ZEB1: variants seen among roughly 807,000 people sequenced by gnomAD.
The protein encoded by ZEB1 is zinc finger E-box-binding homeobox 1.
In ZEB1, 21 loss-of-function variants were observed where a neutral mutation model predicts 84.9. That is an observed-to-expected ratio of 0.25 (90% CI 0.18 to 0.36). The LOEUF (loss-of-function observed/expected upper bound fraction) is 0.36. Among genes scored for constraint, ZEB1 ranks in the 10% least tolerant of loss-of-function variants. The probability of loss-of-function intolerance (pLI) is 1.00; values close to 1 mark genes in which losing one functional copy is unlikely to be tolerated. For synonymous variants in ZEB1, 420 were observed against 471.1 expected (o/e 0.89, Z 1.41); for missense variants, 1,104 against 1,330.2 (o/e 0.83, Z 2.65).
chr10:31,514,558 A>G (rs200523132), intron 5 of ZEB1, 45 bp from the exon 6 acceptor site: 2 of 1,548,430 alleles, frequency 1.3e-6, no homozygotes, highest in Non-Finnish European at 1.8e-6. Context: ...CTTTAGTCTA[A>G]AGATCTTTTG....
At chr10:31,323,772 T>C (rs536425166) in intron 1 of ZEB1, among the ~76,000 whole-genome samples, 1 of 152,092 alleles carries the variant, frequency 6.6e-6, no homozygotes, top group Admixed American at 6.5e-5. Context: ...AATATAACTG[T>C]AAATTTTAAG....
At chr10:31,504,379 C>G (rs117149907) in intron 4 of ZEB1, among the ~76,000 whole-genome samples, 1 of 151,946 alleles carries the variant, frequency 6.6e-6, no homozygotes, top group Non-Finnish European at 1.5e-5. Flanking sequence ...ATTTTGAAGT[C>G]AGGTAGTGCG....
Position 31,528,754 on chromosome 10 carries a change from A to G in ZEB1, c.*1490A>G, listed in dbSNP as rs1834613005. 1 of 152,244 alleles carries G rather than the reference A, an allele frequency of 6.6e-6. No homozygotes were observed. The highest frequency in any genetic ancestry group is 6.5e-5 in the Admixed American group (1 of 15,286). The allele number at this position is 152,244 out of a possible 1,614,324, so 9.4% of individuals were successfully genotyped here. ...AATTTGGAAAGTTGATAAGATTTAA[A>G]GTAGAGATGCAATTGGTTCTCCTGC... is the stretch of plus-strand genomic sequence containing the variant. On this transcript the variant is annotated 3_prime_UTR_variant, in exon 9 of 9. Coordinates refer to ENST00000424869, the MANE Select transcript of ZEB1 (RefSeq NM_001174096.2).
At chr10:31,333,218 A>G (rs1299566072) in intron 1 of ZEB1, among the ~76,000 whole-genome samples, 2 of 152,020 alleles carry the variant, frequency 1.3e-5, no homozygotes, top group Non-Finnish European at 2.9e-5. Context: ...TCACAGCAAC[A>G]CTCCCATCTT....
chr10:31,515,781 AG>A (rs2070975951), intron 6 of ZEB1, among the ~76,000 whole-genome samples: 1 of 152,070 alleles, frequency 6.6e-6, no homozygotes, highest in Admixed American at 6.6e-5. Context: ...TAAAAAGTAG[AG>A]GTTGTCTTTT....
chr10:31,379,064 G>C (rs985678346), intron 1 of ZEB1, among the ~76,000 whole-genome samples: 1 of 152,048 alleles, frequency 6.6e-6, no homozygotes, highest in African/African-American at 2.4e-5. Flanking sequence ...GTTTGGCACA[G>C]TGAGGCTGTA....
chr10:31,321,194 A>G, intron 1 of ZEB1: 2 of 1,088,548 alleles, frequency 1.8e-6, no homozygotes, highest in African/African-American at 1.7e-5. Context: ...TGGCAATTTT[A>G]GATTTTGTGT....
chr10:31,478,914 A>G (rs2064665983), intron 2 of ZEB1, among the ~76,000 whole-genome samples: 2 of 151,796 alleles, frequency 1.3e-5, no homozygotes, highest in Admixed American at 1.3e-4. Context: ...CAATTTTACA[A>G]TTGGGTACAG....
At chr10:31,430,332 T>G (rs1312660652) in intron 1 of ZEB1, among the ~76,000 whole-genome samples, 1 of 152,184 alleles carries the variant, frequency 6.6e-6, no homozygotes, top group East Asian at 1.9e-4. Context: ...GCAGTTTATA[T>G]AAATTGCTCA....
Position 31,319,580 on chromosome 10 carries a change from G to C in ZEB1, c.58+288G>C, listed in dbSNP as rs1165571493. The C allele has an allele frequency of 1.0e-5, 4 of 401,738 alleles. No individual in the cohort carries two copies. In the South Asian group the frequency reaches 1.4e-4, roughly 14 times the overall value. 24.9% of individuals were successfully genotyped at this position (401,738 alleles called of 1,614,324 possible). On this transcript the variant is annotated intron_variant, in intron 1 of 8. Coordinates refer to ENST00000424869, the MANE Select transcript of ZEB1 (RefSeq NM_001174096.2). ...CCTCCCTGGACCGTTAGCCGGCGCC[G>C]ACGCCGCCGCATCCCCGGCGCAGGG...
intron 1 of ZEB1, among the ~76,000 whole-genome samples, chr10:31,456,735 A>G (rs546383043): frequency 1.7e-4 from 26 of 152,266 alleles, no homozygotes; most frequent in African/African-American, 5.1e-4. Flanking sequence ...TCAGAGGGAT[A>G]TATAATAATA....
At chr10:31,415,782 G>T (rs181699719) in intron 1 of ZEB1, among the ~76,000 whole-genome samples, 4 of 152,056 alleles carry the variant, frequency 2.6e-5, no homozygotes, top group African/African-American at 9.7e-5. Context: ...CACTAATATT[G>T]ATTGGTTATT....
chr10:31,481,163 T>G (rs1230832307), intron 2 of ZEB1, among the ~76,000 whole-genome samples: 1 of 152,104 alleles, frequency 6.6e-6, no homozygotes, highest in African/African-American at 2.4e-5. Context: ...CCCAGATTTC[T>G]CACCGTAAGA....
intron 2 of ZEB1, among the ~76,000 whole-genome samples, chr10:31,494,571 A>G (rs1310161053): frequency 6.6e-6 from 1 of 152,002 alleles, no homozygotes; most frequent in East Asian, 1.9e-4. Context: ...GAGAAATCTC[A>G]ATCAAGACTT....
chr10:31,405,048 A>G (rs2052722913), intron 1 of ZEB1, among the ~76,000 whole-genome samples: 1 of 152,204 alleles, frequency 6.6e-6, no homozygotes, highest in Admixed American at 6.5e-5. Context: ...GAGTCTCACA[A>G]ATTATCTAGC....
rs905809666 is a variant in ZEB1, at chr10:31,347,426, G to A, written c.58+28134G>A. ...AGGTCTAGCTATTTTGCCCAGGCTG[G>A]CCTTGAACTCCTGGGTTCAAGTGAT... On this transcript the variant is annotated intron_variant, in intron 1 of 8. Coordinates refer to ENST00000424869, the MANE Select transcript of ZEB1 (RefSeq NM_001174096.2). 9.2e-5 allele frequency among the ~76,000 whole-genome samples: 14 copies of A among 151,988 alleles called. 1 individual carries two copies. In the South Asian group the frequency reaches 2.5e-3, roughly 27 times the overall value.
At chr10:31,497,945 A>ATAGT (rs2067493239) in intron 3 of ZEB1, among the ~76,000 whole-genome samples, 1 of 147,144 alleles carries the variant, frequency 6.8e-6, no homozygotes, top group Admixed American at 6.7e-5. Flanking sequence ...AGATAGATAG[A>ATAGT]TAGATAGATA....
At chr10:31,394,787 T>C (rs1473326058) in intron 1 of ZEB1, among the ~76,000 whole-genome samples, 1 of 152,210 alleles carries the variant, frequency 6.6e-6, no homozygotes, top group African/African-American at 2.4e-5. Flanking sequence ...TGAATCTGCA[T>C]CATGAAGGAT....
At chr10:31,413,732 T>C (rs1454425249) in intron 1 of ZEB1, among the ~76,000 whole-genome samples, 1 of 152,170 alleles carries the variant, frequency 6.6e-6, no homozygotes, top group African/African-American at 2.4e-5. Flanking sequence ...TCATAAAAAA[T>C]ATTGACTATT....
Sources: gnomAD v4.1 joint callset for allele counts (sites outside exome capture counted in the v4.1 genomes callset) on GRCh38, gnomAD v4.1.1 for gene constraint, MANE v1.5 for transcripts, NCBI Gene and HGNC (gene_info 2026-07-23, HGNC 2026-07-21) for gene names.